The following CAST variants were observed in gnomAD, a reference collection of about 807,000 sequenced individuals.
The protein encoded by CAST is calpastatin, also known as MIR583 host.
CAST carries 76 observed loss-of-function variants against 119.6 expected under a neutral mutation model. The observed-to-expected ratio is 0.64, with a 90% confidence interval of 0.53 to 0.77. CAST has a LOEUF of 0.77. Ranked by LOEUF, CAST falls within the 30% of genes least tolerant of loss-of-function variation. CAST has a pLI of 0.00. For missense variants in CAST, 953 were observed against 946.5 expected (o/e 1.01, Z -0.09); for synonymous variants, 319 against 331.6 (o/e 0.96, Z 0.41).
the CAST span, among the ~76,000 whole-genome samples, chr5:96,198,179 G>A: frequency 6.6e-6 from 1 of 152,200 alleles, no homozygotes; most frequent in African/African-American, 2.4e-5. Context: ...ATGAGAGACT[G>A]GTCACACATC....
chr5:96,727,624 A>AG lies in CAST; in HGVS notation c.378+99dup, dbSNP rs199689601. 30 of 731,414 alleles carry AG rather than the reference A, an allele frequency of 4.1e-5. No homozygotes were observed. The East Asian group carries it at 8.4e-4, about 20-fold the overall frequency. The allele number at this position is 731,414 out of a possible 1,614,324, so 45.3% of individuals were successfully genotyped here. A position where few individuals can be genotyped will look rare whatever the true frequency, so the allele number is the denominator to read the frequency against. On this transcript the variant is annotated intron_variant, in intron 6 of 31. Coordinates refer to ENST00000675179, the MANE Select transcript of CAST (RefSeq NM_001750.7). ...GCCTTGGCACAGCTGTGAATGGTAA[A>AG]GGGGGTTGCTGGCTAATTTAATTAA...
the CAST span, among the ~76,000 whole-genome samples, chr5:96,130,775 A>G: frequency 1.3e-5 from 2 of 152,122 alleles, no homozygotes; most frequent in Non-Finnish European, 2.9e-5. Flanking sequence ...ATAAAATTTA[A>G]CCAACAAACC....
the CAST span, among the ~76,000 whole-genome samples, chr5:96,397,927 T>C: frequency 6.6e-6 from 1 of 151,878 alleles, no homozygotes; most frequent in South Asian, 2.1e-4. Context: ...TAATTTATTA[T>C]GCAATCATTA....
At chr5:96,014,004 G>A in the CAST span, among the ~76,000 whole-genome samples, 6 of 152,016 alleles carry the variant, frequency 3.9e-5, no homozygotes, top group Non-Finnish European at 5.9e-5. Context: ...TGAGCTTATT[G>A]TAACTTTTTT....
intron 1 of CAST, among the ~76,000 whole-genome samples, chr5:96,646,702 A>G (rs751965087): frequency 7.9e-5 from 12 of 152,330 alleles, no homozygotes; most frequent in Non-Finnish European, 1.8e-4. Context: ...TTTGCCTCTC[A>G]TCATCGATTG....
chr5:96,672,706 C>CAAA (rs11427288), intron 1 of CAST, among the ~76,000 whole-genome samples: 736 of 58,972 alleles, frequency 0.012, 49 homozygotes, highest in African/African-American at 0.025. Flanking sequence ...GACTCAGTCT[C>CAAA]AAAAAAAAAA....
chr5:96,106,100 A>G, the CAST span, among the ~76,000 whole-genome samples: 13 of 151,626 alleles, frequency 8.6e-5, no homozygotes, highest in Non-Finnish European at 1.3e-4. Context: ...ATCATTTTGT[A>G]TTGTGTCTTT....
the CAST span, among the ~76,000 whole-genome samples, chr5:96,198,844 G>C: frequency 6.6e-6 from 1 of 152,054 alleles, no homozygotes; most frequent in Non-Finnish European, 1.5e-5. Flanking sequence ...TTTATGACTT[G>C]AATTTGTTTT....
chr5:96,594,854 T>C (rs771591198), intron 1 of CAST, among the ~76,000 whole-genome samples: 1 of 152,194 alleles, frequency 6.6e-6, no homozygotes, highest in Non-Finnish European at 1.5e-5. Flanking sequence ...TCCTGGTGTT[T>C]ACATATAGCA....
At chr5:96,542,135 C>T (rs1745924541) in intron 1 of CAST, among the ~76,000 whole-genome samples, 2 of 151,950 alleles carry the variant, frequency 1.3e-5, no homozygotes, top group African/African-American at 4.8e-5. Flanking sequence ...ACAGTGAAAC[C>T]CCGTCTCTAC....
the CAST span, among the ~76,000 whole-genome samples, chr5:96,452,516 T>G: frequency 2.0e-5 from 3 of 151,614 alleles, no homozygotes; most frequent in Non-Finnish European, 4.4e-5. Flanking sequence ...AGTGGAGAGA[T>G]AGCATTAGGA....
At chr5:96,108,006 T>TCC in the CAST span, among the ~76,000 whole-genome samples, 1 of 152,084 alleles carries the variant, frequency 6.6e-6, no homozygotes, top group Non-Finnish European at 1.5e-5. Flanking sequence ...TTTCTTCCAG[T>TCC]TGATCGCATC....
the CAST span, among the ~76,000 whole-genome samples, chr5:96,291,840 C>CTTCG: frequency 4.8e-5 from 4 of 82,654 alleles, no homozygotes; most frequent in Non-Finnish European, 1.0e-4. Flanking sequence ...GATTCCCAGT[C>CTTCG]TGCGTGTGTG....
At chr5:96,291,448 T>C in the CAST span, among the ~76,000 whole-genome samples, 1 of 152,218 alleles carries the variant, frequency 6.6e-6, no homozygotes, top group Non-Finnish European at 1.5e-5. Flanking sequence ...TTCTACAAGA[T>C]GACAGTTCAT....
intron 1 of CAST, among the ~76,000 whole-genome samples, chr5:96,668,152 A>G (rs199549477): frequency 1.3e-4 from 3 of 23,254 alleles, no homozygotes; most frequent in Non-Finnish European, 6.5e-5. Context: ...ACACGCGTGC[A>G]CACACACACA....
chr5:96,717,005 T>TA (rs894300469), intron 3 of CAST, among the ~76,000 whole-genome samples: 9 of 152,114 alleles, frequency 5.9e-5, no homozygotes, highest in East Asian at 1.9e-4. Context: ...GATTCCAGCT[T>TA]AAAAAAAACT....
At chr5:96,588,130 A>C (rs542617493) in intron 1 of CAST, among the ~76,000 whole-genome samples, 2 of 150,874 alleles carry the variant, frequency 1.3e-5, no homozygotes, top group African/African-American at 4.9e-5. Flanking sequence ...AACAAAACTG[A>C]TGCAATTAAT....
At chr5:96,025,800 A>G in the CAST span, among the ~76,000 whole-genome samples, 1 of 152,260 alleles carries the variant, frequency 6.6e-6, no homozygotes, top group South Asian at 2.1e-4. Context: ...AATAAGAGTT[A>G]AGTAGCATAG....
the CAST span, among the ~76,000 whole-genome samples, chr5:96,349,214 C>G: frequency 2.2e-5 from 3 of 133,672 alleles, no homozygotes; most frequent in Admixed American, 2.5e-4. Context: ...GGACAATTTG[C>G]AAAATTGAAC....
Sources: gnomAD v4.1 joint callset for allele counts (sites outside exome capture counted in the v4.1 genomes callset) on GRCh38, gnomAD v4.1.1 for gene constraint, MANE v1.5 for transcripts, NCBI Gene and HGNC (gene_info 2026-07-23, HGNC 2026-07-21) for gene names.